RGL1: variants seen among roughly 807,000 people sequenced by gnomAD.
The protein encoded by RGL1 is ral guanine nucleotide dissociation stimulator like 1, also known as ral guanine nucleotide dissociation stimulator-like 1.
In RGL1, 24 loss-of-function variants were observed where a neutral mutation model predicts 95.2. That is an observed-to-expected ratio of 0.25 (90% confidence interval 0.18 to 0.35). The LOEUF (loss-of-function observed/expected upper bound fraction) is 0.35. Ranked by LOEUF, RGL1 falls within the 10% of genes least tolerant of loss-of-function variation. The pLI, the probability that RGL1 is intolerant of heterozygous loss-of-function variation, is 1.00. For missense variants in RGL1, 715 were observed against 936.3 expected (o/e 0.76, Z 3.08); for synonymous variants, 329 against 344.9 (o/e 0.95, Z 0.51).
chr1:183,716,560 C>T (rs890525807), intron 1 of RGL1, among the ~76,000 whole-genome samples: 14 of 152,192 alleles, frequency 9.2e-5, no homozygotes, highest in African/African-American at 3.4e-4. Flanking sequence ...AGGAATGGCC[C>T]AAGTCTTTTC....
intron 2 of RGL1, among the ~76,000 whole-genome samples, chr1:183,841,831 T>C (rs1664081749): frequency 6.6e-6 from 1 of 152,150 alleles, no homozygotes; most frequent in African/African-American, 2.4e-5. Flanking sequence ...ACAGGTGGAG[T>C]ATCCTTAATC....
At position 183,806,286 on chromosome 1, in the gene RGL1, T is replaced by A; in HGVS notation, c.28-89T>A. 4 of 932,338 alleles carry A rather than the reference T, an allele frequency of 4.3e-6. No homozygotes were observed. In the East Asian group the frequency reaches 9.6e-5, roughly 22 times the overall value. The allele number at this position is 932,338 out of a possible 1,614,324, so 57.8% of individuals were successfully genotyped here. On this transcript the variant is annotated intron_variant, in intron 1 of 17. Coordinates refer to ENST00000360851, the MANE Select transcript of RGL1 (RefSeq NM_001297671.3). The stretch of plus-strand genomic sequence containing the variant: ...AGCCCATCTTGTGCCCTGAGTGCTG[T>A]TGTAAGCAGCAAGGCAGCTGGGATA...
At chr1:183,824,938 A>AT (rs1183695795) in intron 2 of RGL1, among the ~76,000 whole-genome samples, 1 of 152,144 alleles carries the variant, frequency 6.6e-6, no homozygotes, top group Non-Finnish European at 1.5e-5. Flanking sequence ...TGCAGCAACC[A>AT]TTTTTCATAA....
intron 2 of RGL1, among the ~76,000 whole-genome samples, chr1:183,837,103 C>G (rs560150869): frequency 6.6e-6 from 1 of 152,222 alleles, no homozygotes; most frequent in South Asian, 2.1e-4. Context: ...TTGGAAACAT[C>G]AGTTAGTTGC....
rs745466782 is a variant in RGL1, at chr1:183,851,079, G to T, written c.347+3305G>T. ...TCTATTATAGAGGATAGATGTTTTT[G>T]CTTTTTAAAACACTAACTGGATGAC... is the stretch of plus-strand genomic sequence containing the variant. On this transcript the variant is annotated intron_variant, in intron 3 of 17. Coordinates refer to ENST00000360851, the MANE Select transcript of RGL1 (RefSeq NM_001297671.3). 3.9e-5 allele frequency among the ~76,000 whole-genome samples: 6 copies of T among 152,156 alleles called. No individual in the cohort carries two copies. The South Asian group carries it at 1.2e-3, about 32-fold the overall frequency.
Position 183,770,290 on chromosome 1 carries a change from CA to C in RGL1, c.132+28002del, listed in dbSNP as rs1028239728. Among the ~76,000 whole-genome samples, 64 of 152,210 alleles carry C rather than the reference CA, an allele frequency of 4.2e-4. 1 individual carries two copies. The highest frequency in any genetic ancestry group is 1.5e-3 in the African/African-American group (63 of 41,518). On this transcript the variant is annotated intron_variant, in intron 2 of 18. Coordinates refer to the RGL1 transcript ENST00000304685. ...TCAAAGGCTGTTCTTCCTAGGTGAT[CA>C]GGAATGAAGTTGGAGCCAGCAGTGA...
intron 1 of RGL1, among the ~76,000 whole-genome samples, chr1:183,684,449 C>T (rs1303802059): frequency 2.6e-5 from 4 of 152,090 alleles, no homozygotes; most frequent in South Asian, 2.1e-4. Flanking sequence ...CCACCAAGCT[C>T]GAGCGTCCCA....
At chr1:183,794,662 A>G (rs1012455716) in intron 2 of RGL1, among the ~76,000 whole-genome samples, 7 of 152,308 alleles carry the variant, frequency 4.6e-5, no homozygotes, top group Non-Finnish European at 7.4e-5. Context: ...CCTGAACTAT[A>G]TGGTCCACTT....
chr1:183,639,866 C>T (rs1649805312), intron 1 of RGL1, among the ~76,000 whole-genome samples: 1 of 150,358 alleles, frequency 6.7e-6, no homozygotes, highest in South Asian at 2.1e-4. Flanking sequence ...TTTTTTGAGA[C>T]AGAGTCTCAC....
At chr1:183,668,003 A>ATATG (rs1257587933) in intron 1 of RGL1, among the ~76,000 whole-genome samples, 10 of 135,152 alleles carry the variant, frequency 7.4e-5, no homozygotes, top group African/African-American at 2.7e-4. Context: ...GCTTATATAT[A>ATATG]TGTGTGTGTG....
chr1:183,869,015 G>A (rs1473783694), intron 4 of RGL1, among the ~76,000 whole-genome samples: 1 of 152,206 alleles, frequency 6.6e-6, no homozygotes, highest in Non-Finnish European at 1.5e-5. Flanking sequence ...TTACTTGGGA[G>A]GCTGAGGCAG....
Position 183,928,167 on chromosome 1 carries a change from A to AT in RGL1, c.*1875_*1876insT, listed in dbSNP as rs1669724585. 6.6e-6 allele frequency: 1 copy of AT among 152,054 alleles called. No individual in the cohort carries two copies. Among genetic ancestry groups the AT allele is most frequent in the Non-Finnish European group, 1.5e-5 (1 of 67,940 alleles). The allele number at this position is 152,054 out of a possible 1,614,324, so 9.4% of individuals were successfully genotyped here. ...CTGATATTCTTGGTGCGAAGGTAAA[A>AT]AAAAAAAAATAAATAAAACCATTGG... On this transcript the variant is annotated 3_prime_UTR_variant, in exon 18 of 18. Coordinates refer to ENST00000360851, the MANE Select transcript of RGL1 (RefSeq NM_001297671.3).
At chr1:183,907,497 C>A (rs1668405688) in intron 14 of RGL1, among the ~76,000 whole-genome samples, 2 of 152,170 alleles carry the variant, frequency 1.3e-5, no homozygotes, top group African/African-American at 4.8e-5. Flanking sequence ...GTTTACTAGG[C>A]CTTACATGAC....
At chr1:183,905,554 AC>A in intron 13 of RGL1, among the ~76,000 whole-genome samples, 1 of 152,350 alleles carries the variant, frequency 6.6e-6, no homozygotes, top group East Asian at 1.9e-4. Context: ...AACATTCCAG[AC>A]CGAGAGAGAA....
chr1:183,924,147 G>A (rs1483845118), intron 17 of RGL1, among the ~76,000 whole-genome samples: 1 of 145,548 alleles, frequency 6.9e-6, no homozygotes, highest in Non-Finnish European at 1.5e-5. Flanking sequence ...AAATCATTCT[G>A]CTATAAAGAC....
chr1:183,815,362 T>C (rs906715909), intron 2 of RGL1, among the ~76,000 whole-genome samples: 7 of 152,124 alleles, frequency 4.6e-5, no homozygotes. Context: ...AATTGAAGCA[T>C]TTGGTTAGTT....
chr1:183,691,138 T>C (rs1572281830), intron 1 of RGL1, among the ~76,000 whole-genome samples: 1 of 152,376 alleles, frequency 6.6e-6, no homozygotes, highest in Admixed American at 6.5e-5. Flanking sequence ...GGTTTTTGAA[T>C]GTAGGGATTT....
intron 1 of RGL1, among the ~76,000 whole-genome samples, chr1:183,665,494 AGTGAACCTATCT>A (rs1465310719): frequency 2.6e-5 from 4 of 152,220 alleles, no homozygotes; most frequent in African/African-American, 9.6e-5. Flanking sequence ...GGTAGAATTC[AGTGAACCTATCT>A]GTGCCTGGTG....
intron 1 of RGL1, among the ~76,000 whole-genome samples, chr1:183,733,260 A>T (rs1656737814): frequency 6.6e-6 from 1 of 152,164 alleles, no homozygotes; most frequent in African/African-American, 2.4e-5. Context: ...GAATTTACTG[A>T]TAAAAATGTC....
Sources: gnomAD v4.1 joint callset for allele counts (sites outside exome capture counted in the v4.1 genomes callset) on GRCh38, gnomAD v4.1.1 for gene constraint, MANE v1.5 for transcripts, NCBI Gene and HGNC (gene_info 2026-07-23, HGNC 2026-07-21) for gene names.